Variants in ADORA2B observed in about 807,000 individuals in gnomAD.
ADORA2B encodes adenosine A2b receptor, also known as adenosine receptor A2b.
ADORA2B carries 18 observed loss-of-function variants against 20.8 expected under a neutral mutation model. The observed-to-expected ratio is 0.87, with a 90% confidence interval of 0.60 to 1.29. ADORA2B has a LOEUF of 1.29. Among genes scored for constraint, ADORA2B ranks in the 50% most tolerant of loss-of-function variants. ADORA2B has a pLI of 0.00. For synonymous variants in ADORA2B, 179 were observed against 178.3 expected (o/e 1.00, Z -0.03); for missense variants, 441 against 422.7 (o/e 1.04, Z -0.38).
chr17:15,939,859 CAAAAAAAAAA>C, the ADORA2B span, among the ~76,000 whole-genome samples: 2 of 53,366 alleles, frequency 3.7e-5, no homozygotes, highest in African/African-American at 6.9e-5. Context: ...GACTCTGTCT[CAAAAAAAAAA>C]AAAAAAAAAA....
the ADORA2B span, among the ~76,000 whole-genome samples, chr17:15,916,129 G>C: frequency 6.6e-6 from 1 of 152,032 alleles, no homozygotes; most frequent in African/African-American, 2.4e-5. Context: ...GCCTGCTTAC[G>C]AACAGGCGAA....
At position 15,975,707 on chromosome 17, in the gene ADORA2B, A is replaced by T. The variant is rs1369413477; in HGVS notation, c.*365A>T. On this transcript the variant is annotated 3_prime_UTR_variant, in exon 2 of 2. Coordinates refer to ENST00000304222, the MANE Select transcript of ADORA2B (RefSeq NM_000676.4). ...ATAATGCAAATACTTTTTAACTTAG[A>T]GGCAATGGAAAAATAAAAGTTGACT... 5.5e-6 allele frequency: 1 copy of T among 180,838 alleles called. No homozygotes were observed. Among genetic ancestry groups the T allele is most frequent in the East Asian group, 1.4e-4 (1 of 7,188 alleles). The allele number at this position is 180,838 out of a possible 1,614,324, so 11.2% of individuals were successfully genotyped here. A position where few individuals can be genotyped will look rare whatever the true frequency, so the allele number is the denominator to read the frequency against.
chr17:15,917,334 G>T, the ADORA2B span, among the ~76,000 whole-genome samples: 2 of 152,210 alleles, frequency 1.3e-5, no homozygotes, highest in Admixed American at 1.3e-4. Context: ...CTTGAAGAGG[G>T]GGCTAGGCGG....
At chr17:15,929,155 G>A in the ADORA2B span, among the ~76,000 whole-genome samples, 4 of 152,250 alleles carry the variant, frequency 2.6e-5, no homozygotes, top group South Asian at 8.3e-4. Flanking sequence ...AGGATGTAGA[G>A]GTTTTATGAT....
chr17:15,943,684 G>GTGTACAGT (rs2151589389), upstream of ADORA2B, among the ~76,000 whole-genome samples: 1 of 152,284 alleles, frequency 6.6e-6, no homozygotes, highest in African/African-American at 2.4e-5. Context: ...TGCCTTTCAA[G>GTGTACAGT]TGTACAGTTC....
intron 1 of ADORA2B, among the ~76,000 whole-genome samples, chr17:15,971,410 A>G (rs1970186928): frequency 6.6e-6 from 1 of 152,212 alleles, no homozygotes; most frequent in Admixed American, 6.5e-5. Context: ...CTTCTGTAGT[A>G]TAGGGGCCCA....
the ADORA2B span, among the ~76,000 whole-genome samples, chr17:15,939,088 CGG>C: frequency 1.3e-5 from 2 of 151,988 alleles, no homozygotes; most frequent in Non-Finnish European, 2.9e-5. Context: ...TTGCCCAGGC[CGG>C]AGTGCAGCGG....
At chr17:15,927,947 C>T in the ADORA2B span, among the ~76,000 whole-genome samples, 4 of 152,018 alleles carry the variant, frequency 2.6e-5, no homozygotes, top group South Asian at 2.1e-4. Flanking sequence ...CTCAGCCTCC[C>T]GAGTAACTGG....
At chr17:15,944,594 C>G (rs1191036471), upstream of ADORA2B, among the ~76,000 whole-genome samples, 2 of 152,072 alleles carry the variant, frequency 1.3e-5, no homozygotes, top group Non-Finnish European at 2.9e-5. The surrounding 1 kb of genome is among the most constrained non-coding windows in gnomAD (Gnocchi z 4.8). Context: ...CCGAGGGCTC[C>G]TTGCAGTCCG....
chr17:15,950,402 C>T (rs576463228), intron 1 of ADORA2B, among the ~76,000 whole-genome samples: 4 of 152,252 alleles, frequency 2.6e-5, no homozygotes, highest in East Asian at 3.9e-4. Context: ...CATCAGTACA[C>T]GAATATACCC....
the ADORA2B span, among the ~76,000 whole-genome samples, chr17:15,890,629 A>G: frequency 2.6e-5 from 4 of 152,134 alleles, no homozygotes; most frequent in Admixed American, 6.5e-5. Context: ...CTAGGAAACA[A>G]GCAGCATGGG....
chr17:15,903,447 A>C, the ADORA2B span, among the ~76,000 whole-genome samples: 2 of 152,182 alleles, frequency 1.3e-5, no homozygotes, highest in African/African-American at 4.8e-5. Flanking sequence ...TAAATTGGAA[A>C]TTTTACTTAG....
the ADORA2B span, among the ~76,000 whole-genome samples, chr17:15,852,777 G>A: frequency 2.0e-5 from 3 of 152,042 alleles, no homozygotes; most frequent in Non-Finnish European, 4.4e-5. Flanking sequence ...AGAGGCTTAA[G>A]GAACTAAAGA....
Position 15,975,196 on chromosome 17 carries a change from G to A in ADORA2B, c.853G>A (p.Val285Ile). The change falls in exon 2 of 2, where the codon GTC (valine) becomes ATC (isoleucine). Residue 285 changes from valine to isoleucine, a missense_variant. Transcript: ENST00000304222. ...AILLSHANSV[V>I]NPIVYAYRNR... ...TCTTCTGTCACATGCCAATTCAGTT[G>A]TCAATCCCATTGTCTATGCTTACCG... 1 of 1,614,148 alleles carries A rather than the reference G, an allele frequency of 6.2e-7. No individual in the cohort carries two copies. Among genetic ancestry groups the A allele is most frequent in the African/African-American group, 1.3e-5 (1 of 75,058 alleles).
chr17:15,927,980 C>A, the ADORA2B span, among the ~76,000 whole-genome samples: 379 of 152,232 alleles, frequency 2.5e-3, no homozygotes, highest in South Asian at 0.011. Context: ...CGCCACCACA[C>A]CCGGCTACTT....
chr17:15,954,979 T>C (rs1362646450), intron 1 of ADORA2B, among the ~76,000 whole-genome samples: 1 of 152,202 alleles, frequency 6.6e-6, no homozygotes, highest in Non-Finnish European at 1.5e-5. Context: ...TTTGTGAGAC[T>C]GGGTCTAAAT....
intron 1 of ADORA2B, among the ~76,000 whole-genome samples, chr17:15,952,568 G>T (rs1433657141): frequency 6.6e-6 from 1 of 152,190 alleles, no homozygotes. Context: ...CCCCCTTGAT[G>T]AGGGGTCCCT....
upstream of ADORA2B, among the ~76,000 whole-genome samples, chr17:15,940,847 C>A (rs910308582): frequency 6.6e-6 from 1 of 152,212 alleles, no homozygotes; most frequent in Non-Finnish European, 1.5e-5. Flanking sequence ...GAGGCTAGCC[C>A]TCTTCTGCAT....
At chr17:15,966,872 G>T (rs775424993) in intron 1 of ADORA2B, among the ~76,000 whole-genome samples, 14 of 152,234 alleles carry the variant, frequency 9.2e-5, no homozygotes, top group Non-Finnish European at 1.9e-4. Context: ...ATTTGGGGCG[G>T]TTGTCCTGCT....
Sources: allele counts gnomAD v4.1 joint callset (sites outside exome capture counted in the v4.1 genomes callset), GRCh38; gene constraint gnomAD v4.1.1; non-coding constraint Gnocchi (gnomAD v3.1); transcripts MANE v1.5; gene names NCBI Gene and HGNC (gene_info 2026-07-23, HGNC 2026-07-21).